CYBA: variants seen among roughly 807,000 people sequenced by gnomAD.
CYBA encodes cytochrome b-245 light chain.
Under a neutral mutation model 20.8 loss-of-function variants are expected in CYBA, and 21 were observed. That is an observed-to-expected ratio of 1.01 (90% confidence interval 0.72 to 1.46). CYBA has a LOEUF of 1.46. Ranked by LOEUF, CYBA falls within the 40% of genes most tolerant of loss-of-function variation. The pLI, the probability that CYBA is intolerant of heterozygous loss-of-function variation, is 0.00. For missense variants in CYBA, 344 were observed against 287.0 expected (o/e 1.20, Z -1.43); for synonymous variants, 164 against 127.5 (o/e 1.29, Z -1.93).
intron 4 of CYBA, chr16:88,646,448 G>C (rs2142874534): frequency 3.2e-6 from 2 of 619,218 alleles, no homozygotes; most frequent in Middle Eastern, 2.5e-4. Flanking sequence ...GCAGTAACCA[G>C]CAGACACACA....
intron 5 of CYBA, 200 bp downstream of exon 5, chr16:88,645,916 C>G: frequency 1.7e-6 from 1 of 602,676 alleles, no homozygotes; most frequent in East Asian, 2.8e-5. Flanking sequence ...GGAAATGACC[C>G]GACACACTAG....
rs72667006 is a variant in CYBA at position 88,643,362 on chromosome 16, C to G, written c.579G>C (p.Glu193Asp). 1.3e-6 allele frequency: 2 copies of G among 1,526,964 alleles called. No homozygotes were observed. Among genetic ancestry groups the G allele is most frequent in the East Asian group, 2.5e-5 (1 of 39,274 alleles). 94.6% of individuals were successfully genotyped at this position (1,526,964 alleles called of 1,614,324 possible). The change falls in exon 6 of 6, where the codon GAG becomes GAC. Residue 193 changes from glutamate to aspartate, a missense_variant. Transcript: ENST00000261623. This position sits in a 1 kb window ranked among gnomAD's most constrained non-coding sequence, Gnocchi z 4.3. Reference sequence around the variant, plus strand: ...CAGGTCCGGGGCGAGGTCACACGACCTCGTCGGTCACCGGGATGGGGTTGA... The same window carrying G: ...CAGGTCCGGGGCGAGGTCACACGACGTCGTCGGTCACCGGGATGGGGTTGA... ...PQVNPIPVTD[E>D]VV is the part of the protein sequence containing the mutation.
At chr16:88,649,540 C>G (rs1368085095) in intron 1 of CYBA, among the ~76,000 whole-genome samples, 1 of 152,266 alleles carries the variant, frequency 6.6e-6, no homozygotes, top group Non-Finnish European at 1.5e-5. Flanking sequence ...TGTCAAGGCC[C>G]TGCTGTCTCC....
chr16:88,646,570 A>G (rs1387845332), intron 4 of CYBA, 185 bp downstream of exon 4: 4 of 710,572 alleles, frequency 5.6e-6, no homozygotes, highest in Non-Finnish European at 1.0e-5. Flanking sequence ...GTGGATCCTT[A>G]CAAATCCTGC....
At chr16:88,650,757 G>A (rs996966244) in intron 1 of CYBA, 199 bp downstream of exon 1, 1 of 630,796 alleles carries the variant, frequency 1.6e-6, no homozygotes, top group Admixed American at 2.6e-5. Context: ...GGGAATTACT[G>A]GGGGTCTCAG....
chr16:88,645,360 C>T (rs1907241695), intron 5 of CYBA: 1 of 702,340 alleles, frequency 1.4e-6, no homozygotes, highest in African/African-American at 1.7e-5. Context: ...GCACCTTTCC[C>T]ACGCACACAC....
intron 1 of CYBA, among the ~76,000 whole-genome samples, chr16:88,649,713 C>G (rs979291514): frequency 2.6e-5 from 4 of 152,222 alleles, no homozygotes; most frequent in Non-Finnish European, 5.9e-5. Flanking sequence ...AAAGGAAGCA[C>G]GGCAGCTGGA....
rs117043096 is a variant in CYBA at position 88,645,797 on chromosome 16, G to A, written c.369+319C>T. On this transcript the variant is annotated intron_variant, in intron 5 of 5. Coordinates refer to ENST00000261623, the MANE Select transcript of CYBA (RefSeq NM_000101.4). The stretch of plus-strand genomic sequence containing the variant: ...AGGCACGGTCTTCGGCCGGCTGCGT[G>A]ACCCCAGGCCAGTCACAGCACCTCC... 3.2e-4 allele frequency: 174 copies of A among 545,350 alleles called. 1 individual carries two copies. The East Asian group carries it at 5.0e-3, about 16-fold the overall frequency. 33.8% of individuals were successfully genotyped at this position (545,350 alleles called of 1,614,324 possible).
intron 4 of CYBA, 146 bp from the exon 5 acceptor site, chr16:88,646,343 G>A (rs1408564130): frequency 4.3e-5 from 22 of 517,158 alleles, no homozygotes; most frequent in Non-Finnish European, 6.3e-5. Context: ...GGCTTGTTTC[G>A]GTCCTGGGTG....
chr16:88,648,304 C>T (rs867528553), intron 1 of CYBA, among the ~76,000 whole-genome samples, 190 bp from the exon 2 acceptor site: 4 of 152,196 alleles, frequency 2.6e-5, no homozygotes, highest in Admixed American at 6.5e-5. Context: ...GAGCCTGTGG[C>T]GCACGGGCTG....
intron 1 of CYBA, among the ~76,000 whole-genome samples, chr16:88,648,937 CTTT>C (rs35341429): frequency 5.9e-5 from 7 of 119,644 alleles, no homozygotes; most frequent in Admixed American, 9.1e-5. Flanking sequence ...TATTTTATTT[CTTT>C]TTTTTTTTTT....
chr16:88,650,767 G>T (rs1388794574), intron 1 of CYBA, 189 bp downstream of exon 1: 2 of 645,990 alleles, frequency 3.1e-6, no homozygotes, highest in East Asian at 5.5e-5. Flanking sequence ...GGGGGTCTCA[G>T]AACTCCTCCT....
chr16:88,646,007 C>T, intron 5 of CYBA, 109 bp downstream of exon 5: 1 of 944,276 alleles, frequency 1.1e-6, no homozygotes, highest in Non-Finnish European at 1.6e-6. Flanking sequence ...TGCTCCCAGC[C>T]TTGGCTCAGC....
At chr16:88,648,627 T>TTG (rs1907380663) in intron 1 of CYBA, among the ~76,000 whole-genome samples, 1 of 151,850 alleles carries the variant, frequency 6.6e-6, no homozygotes, top group Non-Finnish European at 1.5e-5. Flanking sequence ...ACTGTTTTTT[T>TTG]TTTTTTTCGA....
In CYBA at chr16:88,651,003, A is replaced by C. The variant is rs1478088730; in HGVS notation, c.11T>G (p.Ile4Ser). ...TTCGTTGGCCCACATGGCCCACTCGATCTGCCCCATGGCGACACGAACCCG... is the reference window on the plus strand; with the variant it reads ...TTCGTTGGCCCACATGGCCCACTCGCTCTGCCCCATGGCGACACGAACCCG... MGQ[I>S]EWAMWANEQA... Residue 4 changes from isoleucine (I) to serine (S), a missense_variant, in exon 1 of 6, where the codon ATC (isoleucine) becomes AGC (serine). By Grantham distance (142) the Ile-to-Ser change is moderately radical. Coordinates refer to ENST00000261623, the MANE Select transcript of CYBA (RefSeq NM_000101.4). 6.3e-7 allele frequency: 1 copy of C among 1,596,976 alleles called. No homozygotes were observed. The highest frequency in any genetic ancestry group is 1.1e-5 in the South Asian group (1 of 88,968).
intron 2 of CYBA, 35 bp from the exon 3 acceptor site, chr16:88,647,210 G>A (rs1907323141): frequency 6.3e-7 from 1 of 1,596,086 alleles, no homozygotes; most frequent in Admixed American, 1.7e-5. Context: ...GCCCAGCTCA[G>A]CCTGAGGGGC....
chr16:88,650,023 C>T (rs1183155839), intron 1 of CYBA, among the ~76,000 whole-genome samples: 1 of 152,166 alleles, frequency 6.6e-6, no homozygotes, highest in Non-Finnish European at 1.5e-5. Flanking sequence ...CTGCAGGGCC[C>T]CGTCCTCCAG....
rs1178334922 is a variant in CYBA, at chr16:88,650,951, C to G, written c.58+5G>C. 4.4e-6 allele frequency: 7 copies of G among 1,590,162 alleles called. No homozygotes were observed. The highest frequency in any genetic ancestry group is 6.0e-6 in the Non-Finnish European group (7 of 1,169,776). ...CAGCCTCCACCGTCCCTGACGTGCACTCACTCAGGCCGGACGCCAGCGCCT... is the reference window on the plus strand; with the variant it reads ...CAGCCTCCACCGTCCCTGACGTGCAGTCACTCAGGCCGGACGCCAGCGCCT... On this transcript the variant is annotated splice_donor_5th_base_variant and intron_variant, in intron 1 of 5. Coordinates refer to ENST00000261623, the MANE Select transcript of CYBA (RefSeq NM_000101.4).
At position 88,646,836 on chromosome 16, in the gene CYBA, C is replaced by G. The variant is rs1907304480; in HGVS notation, c.206G>C (p.Gly69Ala). The G allele has an allele frequency of 1.9e-6, 3 of 1,612,960 alleles. No homozygotes were observed. Among genetic ancestry groups the G allele is most frequent in the Non-Finnish European group, 2.5e-6 (3 of 1,179,214 alleles). ...CACCACGGCGGTCATGTACTTCTGTCCCCTGGGGGAGGGAGGAAGGCGAGA... is the reference window on the plus strand; with the variant it reads ...CACCACGGCGGTCATGTACTTCTGTGCCCTGGGGGAGGGAGGAAGGCGAGA... ...RKKGSTMERW[G>A]QKYMTAVVKL... Residue 69 changes from glycine (G) to alanine (A), a missense_variant and splice_region_variant, in exon 4 of 6, where the codon GGA (glycine) becomes GCA (alanine). By Grantham distance (60) the Gly-to-Ala change is moderately conservative. Transcript: ENST00000261623.
Sources: gnomAD v4.1 joint callset for allele counts (sites outside exome capture counted in the v4.1 genomes callset) on GRCh38, gnomAD v4.1.1 for gene constraint, Gnocchi (gnomAD v3.1) non-coding constraint, MANE v1.5 for transcripts, NCBI Gene and HGNC (gene_info 2026-07-23, HGNC 2026-07-21) for gene names.